Variants in SGCE observed in about 807,000 individuals in gnomAD.
SGCE encodes the protein epsilon-sarcoglycan.
Under a neutral mutation model 57.8 loss-of-function variants are expected in SGCE, and 26 were observed. The ratio of observed to expected loss-of-function variants is 0.45; its 90% CI spans 0.33 to 0.62. The LOEUF (loss-of-function observed/expected upper bound fraction) is 0.62. SGCE is among the 20% of genes least tolerant of loss of function. The probability of loss-of-function intolerance (pLI) is 0.02; values close to 1 mark genes in which losing one functional copy is unlikely to be tolerated. For synonymous variants in SGCE, 183 were observed against 189.5 expected (o/e 0.97, Z 0.28); for missense variants, 468 against 548.6 (o/e 0.85, Z 1.47).
At position 94,655,959 on chromosome 7, in the gene SGCE, G is replaced by A. The variant is rs758361964; in HGVS notation, c.109+31C>T. The A allele has an allele frequency of 5.6e-6, 8 of 1,428,748 alleles. No individual in the cohort carries two copies. In the East Asian group the frequency reaches 9.1e-5, roughly 16 times the overall value. The allele number at this position is 1,428,748 out of a possible 1,614,324, so 88.5% of individuals were successfully genotyped here. On this transcript the variant is annotated intron_variant, in intron 1 of 10. Transcript: ENST00000648936. ...GGGGAGGCGGCGGCCTGTTGGCCCC[G>A]GGACCTCCACGTCGCGCGCAGGCCA...
chr7:94,647,360 C>T (rs533717820), intron 1 of SGCE, among the ~76,000 whole-genome samples: 1 of 152,110 alleles, frequency 6.6e-6, no homozygotes, highest in African/African-American at 2.4e-5. Flanking sequence ...TGGTTTTTAC[C>T]CCCTAAAATA....
At chr7:94,615,589 C>G (rs890802029) in intron 5 of SGCE, among the ~76,000 whole-genome samples, 1 of 152,060 alleles carries the variant, frequency 6.6e-6, no homozygotes, top group Non-Finnish European at 1.5e-5. Context: ...CAGCAAAAAG[C>G]AGACAATCAG....
chr7:94,585,200 T>G lies in SGCE; in HGVS notation c.*299A>C, dbSNP rs145824568. On this transcript the variant is annotated 3_prime_UTR_variant, in exon 11 of 11. Transcript: ENST00000648936. ...TCTACTAAATAGGAAGCAAATAGTT[T>G]ACTGAAGTAAATTTCACCAGTCATT... 4.4e-4 allele frequency: 148 copies of G among 338,236 alleles called. 1 individual carries two copies. The East Asian group carries it at 7.2e-3, about 16-fold the overall frequency. 21.0% of individuals were successfully genotyped at this position (338,236 alleles called of 1,614,324 possible). A position where few individuals can be genotyped will look rare whatever the true frequency, so the allele number is the denominator to read the frequency against.
At chr7:94,648,272 G>A (rs564696705) in intron 1 of SGCE, among the ~76,000 whole-genome samples, 5 of 150,838 alleles carry the variant, frequency 3.3e-5, no homozygotes, top group African/African-American at 9.7e-5. Flanking sequence ...CTATTTGGGA[G>A]GCTGAGGCAG....
intron 9 of SGCE, among the ~76,000 whole-genome samples, chr7:94,595,214 A>G (rs1798219793): frequency 6.6e-6 from 1 of 152,164 alleles, no homozygotes; most frequent in South Asian, 2.1e-4. Flanking sequence ...AAATATTACT[A>G]TGTAATTGAT....
chr7:94,623,832 C>G, intron 3 of SGCE: 1 of 361,686 alleles, frequency 2.8e-6, no homozygotes, highest in Non-Finnish European at 4.9e-6. Context: ...TGTTTTTTTG[C>G]ATTTAGTACT....
intron 5 of SGCE, among the ~76,000 whole-genome samples, chr7:94,615,473 A>G (rs1801788687): frequency 6.6e-6 from 1 of 152,162 alleles, no homozygotes; most frequent in Non-Finnish European, 1.5e-5. Flanking sequence ...TCAGAACTCT[A>G]CTGAAATTGG....
chr7:94,634,149 A>G (rs1805181936), intron 1 of SGCE, among the ~76,000 whole-genome samples: 1 of 152,264 alleles, frequency 6.6e-6, no homozygotes, highest in East Asian at 1.9e-4. Flanking sequence ...TGCTTTATTA[A>G]TAAACTAATC....
intron 9 of SGCE, among the ~76,000 whole-genome samples, chr7:94,592,019 C>A (rs1443015875): frequency 6.6e-6 from 1 of 152,056 alleles, no homozygotes; most frequent in East Asian, 1.9e-4. Context: ...AGGTGCTCAA[C>A]CAAAAAAATA....
intron 4 of SGCE, chr7:94,620,865 C>T (rs1379435414): frequency 3.9e-5 from 6 of 152,212 alleles, no homozygotes; most frequent in Admixed American, 6.5e-5. Context: ...GAGCTGCTGC[C>T]AGGCCTCCCA....
chr7:94,632,275 A>T (rs1466116436), intron 1 of SGCE, among the ~76,000 whole-genome samples: 2 of 152,020 alleles, frequency 1.3e-5, no homozygotes, highest in African/African-American at 4.8e-5. Flanking sequence ...CCTGAAGTGG[A>T]ACCATTAAAG....
intron 1 of SGCE, among the ~76,000 whole-genome samples, chr7:94,648,243 C>T (rs1242547805): frequency 6.6e-6 from 1 of 151,650 alleles, no homozygotes; most frequent in African/African-American, 2.4e-5. Flanking sequence ...GGCCTGGTGG[C>T]GGGTGCCTGT....
rs758973154 is a variant in SGCE, at chr7:94,618,933, C to A, written c.487G>T (p.Glu163Ter). 6.2e-7 allele frequency: 1 copy of A among 1,613,492 alleles called. No individual in the cohort carries two copies. Among genetic ancestry groups the A allele is most frequent in the Non-Finnish European group, 8.5e-7 (1 of 1,179,502 alleles). The change falls in exon 5 of 11, where the codon GAA becomes TAA. Residue 163 changes from glutamate (E) to a stop codon, truncating the protein, a stop_gained. Transcript: ENST00000648936. LOFTEE classifies it high-confidence loss of function. The part of the protein sequence containing the change: ...AEDFPLPYQA[E>*]FFIKNMNVEE... ...ACATTCATATTCTTAATGAAGAATT[C>A]TGCTTGATATGGCAACGGGAAGTCT...
intron 5 of SGCE, among the ~76,000 whole-genome samples, chr7:94,615,412 AGAT>A (rs1801767737): frequency 2.0e-5 from 3 of 147,606 alleles, no homozygotes; most frequent in Admixed American, 2.0e-4. Flanking sequence ...ATAGATAGAT[AGAT>A]AGATAGATAA....
intron 4 of SGCE, chr7:94,621,890 A>C (rs1802844574): frequency 6.6e-6 from 1 of 152,216 alleles, no homozygotes; most frequent in Non-Finnish European, 1.5e-5. Context: ...GGGAGTCTTC[A>C]GTCCAGGCCC....
chr7:94,619,440 A>T (rs993383678), intron 4 of SGCE: 4 of 152,718 alleles, frequency 2.6e-5, no homozygotes, highest in Non-Finnish European at 5.8e-5. Flanking sequence ...ACATTGTTGG[A>T]GATTTAGTGT....
intron 4 of SGCE, chr7:94,620,316 A>C (rs1361134383): frequency 6.6e-6 from 1 of 152,166 alleles, no homozygotes. Context: ...TAGTTTTTCA[A>C]AGCCCTAATC....
At chr7:94,641,225 T>A (rs1806339048) in intron 1 of SGCE, among the ~76,000 whole-genome samples, 1 of 152,234 alleles carries the variant, frequency 6.6e-6, no homozygotes, top group African/African-American at 2.4e-5. Context: ...GACTGCTAGA[T>A]TTGAAAAGTG....
At chr7:94,652,452 AT>A (rs968396694) in intron 1 of SGCE, among the ~76,000 whole-genome samples, 3 of 152,148 alleles carry the variant, frequency 2.0e-5, no homozygotes, top group Non-Finnish European at 4.4e-5. Flanking sequence ...TGACTTGGGA[AT>A]TTTTTTAACA....
Sources: gnomAD v4.1 joint callset for allele counts (sites outside exome capture counted in the v4.1 genomes callset) on GRCh38, gnomAD v4.1.1 for gene constraint, MANE v1.5 for transcripts, NCBI Gene and HGNC (gene_info 2026-07-23, HGNC 2026-07-21) for gene names.